KCTD4: variants seen among roughly 807,000 people sequenced by gnomAD.
The protein encoded by KCTD4 is potassium channel tetramerization domain containing 4, also known as BTB/POZ domain-containing protein KCTD4.
A neutral mutation model predicts 18.3 loss-of-function variants in KCTD4; 12 were observed. The observed-to-expected ratio is 0.66, with a 90% confidence interval of 0.42 to 1.06. The LOEUF (loss-of-function observed/expected upper bound fraction) is 1.06, where lower values mean the gene tolerates loss of function less well. KCTD4 is among the 50% of genes least tolerant of loss of function. KCTD4 has a pLI of 0.00. For missense variants in KCTD4, 250 were observed against 303.4 expected, an observed-to-expected ratio of 0.82 and a Z score of 1.31; for synonymous variants, 124 against 110.5, an observed-to-expected ratio of 1.12 and a Z score of -0.76.
At position 45,193,826 on chromosome 13, in the gene KCTD4, AC is replaced by A. The variant is rs1240417482; in HGVS notation, c.741del (p.Ser248GlnfsTer44). 1.9e-6 allele frequency: 3 copies of A among 1,608,584 alleles called. No homozygotes were observed. Among genetic ancestry groups the A allele is most frequent in the Non-Finnish European group, 2.5e-6 (3 of 1,178,536 alleles). On this transcript the variant is annotated frameshift_variant, in exon 2 of 2. Coordinates refer to ENST00000379108, the MANE Select transcript of KCTD4 (RefSeq NM_198404.3). LOFTEE classifies it high-confidence loss of function. Reference protein sequence around the residue: ...RLLTSLDCSKGSIVHSDALHF... With the variant: ...RLLTSLDCSKXSIVHSDALHF... ...TGAAGTGCATCGCTGTGAACAATTG[AC>A]CCTTTGGAACAATCCAGGCTGGTCA...
At chr13:45,196,869 TG>T (rs1441220394) in intron 1 of KCTD4, among the ~76,000 whole-genome samples, 2 of 152,162 alleles carry the variant, frequency 1.3e-5, no homozygotes, top group Non-Finnish European at 2.9e-5. Flanking sequence ...GTGGGACTGC[TG>T]ACCTTCAGTC....
intron 1 of KCTD4, among the ~76,000 whole-genome samples, chr13:45,195,143 C>T (rs1341663033): frequency 2.0e-5 from 3 of 152,072 alleles, no homozygotes; most frequent in Non-Finnish European, 2.9e-5. Flanking sequence ...TTTTGAGACA[C>T]AAATAAGAAT....
chr13:45,193,476 A>C lies in KCTD4; in HGVS notation c.*312T>G. ...ATGTACATGCTTTCTTTTTTGTGCA[A>C]ATACCCAAGACAATCTGAATTGAAA... On this transcript the variant is annotated 3_prime_UTR_variant, in exon 2 of 2. Coordinates refer to ENST00000379108, the MANE Select transcript of KCTD4 (RefSeq NM_198404.3). The C allele has an allele frequency of 4.2e-6, 1 of 240,240 alleles. No homozygotes were observed. The highest frequency in any genetic ancestry group is 5.2e-5 in the Admixed American group (1 of 19,270). 14.9% of individuals were successfully genotyped at this position (240,240 alleles called of 1,614,324 possible). A position where few individuals can be genotyped will look rare whatever the true frequency, so the allele number is the denominator to read the frequency against.
rs1872753803 is a variant in KCTD4, at chr13:45,193,825, G to A, written c.743C>T (p.Ser248Leu). The A allele has an allele frequency of 6.2e-7, 1 of 1,608,422 alleles. No individual in the cohort carries two copies. The highest frequency in any genetic ancestry group is 8.5e-7 in the Non-Finnish European group (1 of 1,178,528). The change falls in exon 2 of 2, where the codon TCA (serine) becomes TTA (leucine). Residue 248 changes from serine (S) to leucine (L), a missense_variant. Physicochemically the swap from Ser to Leu is moderately radical, Grantham distance 145. Transcript: ENST00000379108. ...ATGAAGTGCATCGCTGTGAACAATT[G>A]ACCCTTTGGAACAATCCAGGCTGGT... ...LLTSLDCSKG[S>L]IVHSDALHFI... is the part of the protein sequence containing the mutation.
rs1566130322 is a variant in KCTD4, at chr13:45,193,887, A to G, written c.681T>C (p.Ala227=). The G allele has an allele frequency of 1.2e-6, 2 of 1,614,026 alleles. No individual in the cohort carries two copies. Among genetic ancestry groups the G allele is most frequent in the African/African-American group, 2.7e-5 (2 of 74,930 alleles). The change falls in exon 2 of 2, where the codon GCT becomes GCC. Residue 227 remains alanine (A), a synonymous_variant. Transcript: ENST00000379108. ...VCTLETLKFE[A]IMMALKCGFR... is the part of the protein sequence containing the mutation. ...AGCCACACTTTAAAGCCATCATGAT[A>G]GCCTCAAACTTAAGAGTTTCCAAGG... is the stretch of plus-strand genomic sequence containing the variant.
In KCTD4 at chr13:45,193,481, C is replaced by A. The variant is rs538007995; in HGVS notation, c.*307G>T. The A allele has an allele frequency of 3.1e-4, 78 of 250,194 alleles. No homozygotes were observed. The highest frequency in any genetic ancestry group is 1.7e-3 in the African/African-American group (75 of 44,952). The allele number at this position is 250,194 out of a possible 1,614,324, so 15.5% of individuals were successfully genotyped here. On this transcript the variant is annotated 3_prime_UTR_variant, in exon 2 of 2. Transcript: ENST00000379108. ...CATGCTTTCTTTTTTGTGCAAATAC[C>A]CAAGACAATCTGAATTGAAAGACAG... is the stretch of plus-strand genomic sequence containing the variant.
intron 1 of KCTD4, among the ~76,000 whole-genome samples, chr13:45,195,439 G>A (rs1404582038): frequency 6.6e-6 from 1 of 152,148 alleles, no homozygotes; most frequent in East Asian, 1.9e-4. Context: ...GACTGTGTAT[G>A]TGCATGCATG....
In KCTD4 at chr13:45,194,631, C is replaced by G; in HGVS notation, c.-64G>C. ...TGAGATTTTTTAAAAAGAGACACTACCACACAAGCACGCCTTTATTCAGCC... is the reference window on the plus strand; with the variant it reads ...TGAGATTTTTTAAAAAGAGACACTAGCACACAAGCACGCCTTTATTCAGCC... On this transcript the variant is annotated 5_prime_UTR_variant, in exon 2 of 2. Coordinates refer to ENST00000379108, the MANE Select transcript of KCTD4 (RefSeq NM_198404.3). The G allele has an allele frequency of 3.6e-6, 5 of 1,406,778 alleles. No homozygotes were observed. Among genetic ancestry groups the G allele is most frequent in the Non-Finnish European group, 4.9e-6 (5 of 1,018,666 alleles). The allele number at this position is 1,406,778 out of a possible 1,614,324, so 87.1% of individuals were successfully genotyped here. A position where few individuals can be genotyped will look rare whatever the true frequency, so the allele number is the denominator to read the frequency against.
intron 1 of KCTD4, among the ~76,000 whole-genome samples, chr13:45,196,427 T>C (rs1344352510): frequency 6.6e-6 from 1 of 152,220 alleles, no homozygotes; most frequent in Non-Finnish European, 1.5e-5. Context: ...TTAGATTAAG[T>C]CTTTTCTGTC....
chr13:45,194,874 C>T (rs984360057), intron 1 of KCTD4, among the ~76,000 whole-genome samples, 120 bp from the exon 2 acceptor site: 2 of 152,186 alleles, frequency 1.3e-5, no homozygotes, highest in Non-Finnish European at 2.9e-5. Context: ...AATTGAATTT[C>T]CTCTTGTCAG....
intron 1 of KCTD4, among the ~76,000 whole-genome samples, chr13:45,194,991 G>A (rs2138174499): frequency 6.6e-6 from 1 of 152,212 alleles, no homozygotes; most frequent in South Asian, 2.1e-4. Flanking sequence ...GAATAATATT[G>A]TCATCTTTTG....
intron 1 of KCTD4, among the ~76,000 whole-genome samples, chr13:45,199,410 TC>T (rs1873065044): frequency 6.6e-6 from 1 of 152,252 alleles, no homozygotes; most frequent in Admixed American, 6.5e-5. Context: ...AATTTATAAG[TC>T]ATATTAATTC....
rs771462792 is a variant in KCTD4, at chr13:45,194,643, G to A, written c.-76C>T. ...AAAAGAGACACTACCACACAAGCAC[G>A]CCTTTATTCAGCCCCAGCCTGGTGA... is the stretch of plus-strand genomic sequence containing the variant. On this transcript the variant is annotated 5_prime_UTR_variant, in exon 2 of 2. Coordinates refer to ENST00000379108, the MANE Select transcript of KCTD4 (RefSeq NM_198404.3). 55 of 1,305,802 alleles carry A rather than the reference G, an allele frequency of 4.2e-5. No individual in the cohort carries two copies. The highest frequency in any genetic ancestry group is 1.7e-4 in the Admixed American group (8 of 47,698). The allele number at this position is 1,305,802 out of a possible 1,614,324, so 80.9% of individuals were successfully genotyped here.
At position 45,194,750 on chromosome 13, in the gene KCTD4, G is replaced by A; in HGVS notation, c.-183C>T. 3 of 599,976 alleles carry A rather than the reference G, an allele frequency of 5.0e-6. No individual in the cohort carries two copies. Among genetic ancestry groups the A allele is most frequent in the Non-Finnish European group, 9.0e-6 (3 of 332,316 alleles). The allele number at this position is 599,976 out of a possible 1,614,324, so 37.2% of individuals were successfully genotyped here. On this transcript the variant is annotated 5_prime_UTR_variant, in exon 2 of 2. Transcript: ENST00000379108. ...GGCGTATCAGCCTATGTATGCAGGA[G>A]CTTTCTGGAGTAAGACGGAAAAGAG... is the stretch of plus-strand genomic sequence containing the variant.
intron 1 of KCTD4, among the ~76,000 whole-genome samples, chr13:45,199,151 C>T (rs188201568): frequency 5.9e-5 from 9 of 152,306 alleles, no homozygotes; most frequent in South Asian, 2.1e-4. Flanking sequence ...GCCACAAGGT[C>T]GTGTGAACAT....
At chr13:45,196,046 G>A (rs1429015959) in intron 1 of KCTD4, among the ~76,000 whole-genome samples, 1 of 152,136 alleles carries the variant, frequency 6.6e-6, no homozygotes, top group Non-Finnish European at 1.5e-5. Flanking sequence ...AGGAATATTG[G>A]AAGAGATTCT....
intron 1 of KCTD4, among the ~76,000 whole-genome samples, chr13:45,197,342 A>T (rs541333563): frequency 8.3e-4 from 58 of 69,500 alleles, no homozygotes; most frequent in African/African-American, 4.3e-3. Flanking sequence ...ACCAAAAATT[A>T]AAAAAAAAAA....
chr13:45,196,932 C>T (rs1414775754), intron 1 of KCTD4, among the ~76,000 whole-genome samples: 1 of 152,080 alleles, frequency 6.6e-6, no homozygotes, highest in Non-Finnish European at 1.5e-5. Flanking sequence ...TTGGTTTCTC[C>T]TGCCAGGTTT....
chr13:45,200,222 GAGGGAAAGAATTTTGC>G (rs1286042196), intron 1 of KCTD4, among the ~76,000 whole-genome samples: 1 of 152,078 alleles, frequency 6.6e-6, no homozygotes, highest in African/African-American at 2.4e-5. Flanking sequence ...AGACAGGGAG[GAGGGAAAGAATTTTGC>G]AGGGAGATGA....
Sources: gnomAD v4.1 joint callset for allele counts (sites outside exome capture counted in the v4.1 genomes callset) on GRCh38, gnomAD v4.1.1 for gene constraint, MANE v1.5 for transcripts, NCBI Gene and HGNC (gene_info 2026-07-23, HGNC 2026-07-21) for gene names.